Variants in TEX9 observed in about 807,000 individuals in gnomAD.
TEX9 encodes testis-expressed protein 9.
Under a neutral mutation model 59.6 loss-of-function variants are expected in TEX9, and 74 were observed. The observed-to-expected ratio is 1.24, with a 90% confidence interval of 1.03 to 1.51. The LOEUF (loss-of-function observed/expected upper bound fraction) is 1.51, where lower values mean the gene tolerates loss of function less well. Ranked by LOEUF, TEX9 falls within the 40% of genes most tolerant of loss-of-function variation. TEX9 has a pLI of 0.00. For synonymous variants in TEX9, 186 were observed against 152.2 expected (o/e 1.22, Z -1.64); for missense variants, 522 against 447.8 (o/e 1.17, Z -1.49).
At chr15:56,300,402 T>C (rs1314201341) in intron 1 of TEX9, among the ~76,000 whole-genome samples, 7 of 152,310 alleles carry the variant, frequency 4.6e-5, no homozygotes, top group African/African-American at 1.2e-4. Context: ...CTGGCTCTTA[T>C]ATGGCATTTC....
At chr15:56,365,404 C>G (rs968468349), upstream of TEX9, 3 of 1,593,880 alleles carry the variant, frequency 1.9e-6, no homozygotes, top group Admixed American at 1.7e-5. Flanking sequence ...GAAACTCTCG[C>G]GGGAAGATGC....
the TEX9 span, chr15:56,456,631 T>G: frequency 1.5e-5 from 16 of 1,036,286 alleles, no homozygotes; most frequent in African/African-American, 2.3e-4. Context: ...CAACAATTGA[T>G]GATGTTTTAT....
intron 7 of TEX9, among the ~76,000 whole-genome samples, chr15:56,392,535 G>C (rs533757650): frequency 2.6e-5 from 4 of 151,944 alleles, no homozygotes; most frequent in African/African-American, 9.7e-5. Context: ...CCAACACTGG[G>C]GATTACAATT....
chr15:56,336,581 A>G (rs1195002304), intron 1 of TEX9, among the ~76,000 whole-genome samples: 4 of 152,160 alleles, frequency 2.6e-5, no homozygotes, highest in African/African-American at 9.7e-5. Flanking sequence ...CACCCAGTGT[A>G]TGGTACTTTG....
intron 1 of TEX9, among the ~76,000 whole-genome samples, chr15:56,275,074 G>A (rs1482432891): frequency 4.6e-5 from 7 of 152,170 alleles, no homozygotes; most frequent in Admixed American, 4.6e-4. Context: ...TCATTCTTCA[G>A]TAGATCCTAT....
chr15:56,400,235 GA>G (rs2048700958), intron 9 of TEX9, among the ~76,000 whole-genome samples: 1 of 152,056 alleles, frequency 6.6e-6, no homozygotes, highest in African/African-American at 2.4e-5. Flanking sequence ...TAAAAACCTT[GA>G]AAAAAGGTTA....
intron 1 of TEX9, among the ~76,000 whole-genome samples, chr15:56,259,112 C>T (rs2044209363): frequency 6.6e-6 from 1 of 151,924 alleles, no homozygotes; most frequent in Non-Finnish European, 1.5e-5. Context: ...GAAATCACTG[C>T]CTACCCAATG....
At chr15:56,354,100 A>G (rs1302952260) in intron 1 of TEX9, among the ~76,000 whole-genome samples, 2 of 152,228 alleles carry the variant, frequency 1.3e-5, no homozygotes, top group African/African-American at 4.8e-5. Context: ...ACATGTTAGT[A>G]GAATCCTTCC....
chr15:56,339,067 CA>C (rs1453198261), intron 1 of TEX9, among the ~76,000 whole-genome samples: 3 of 151,826 alleles, frequency 2.0e-5, no homozygotes, highest in Non-Finnish European at 2.9e-5. Context: ...CTGGTATTTT[CA>C]AACTATGTTA....
chr15:56,369,281 C>T (rs994583195), intron 2 of TEX9, among the ~76,000 whole-genome samples: 4 of 151,960 alleles, frequency 2.6e-5, no homozygotes, highest in Non-Finnish European at 5.9e-5. Context: ...GCTTCCACCT[C>T]CTGGGCTCAA....
chr15:56,332,441 G>A (rs1302080671), intron 1 of TEX9, among the ~76,000 whole-genome samples: 5 of 147,116 alleles, frequency 3.4e-5, no homozygotes, highest in Non-Finnish European at 7.5e-5. Flanking sequence ...GACACAGGAA[G>A]GGGAATATCA....
At chr15:56,270,053 G>A (rs1233127415) in intron 1 of TEX9, among the ~76,000 whole-genome samples, 4 of 152,170 alleles carry the variant, frequency 2.6e-5, no homozygotes, top group Non-Finnish European at 2.9e-5. Flanking sequence ...GCTGAGGAGT[G>A]CTTTACTTCC....
intron 1 of TEX9, among the ~76,000 whole-genome samples, chr15:56,350,663 A>G (rs79017640): frequency 0.059 from 8,946 of 152,202 alleles, 679 homozygotes; most frequent in East Asian, 0.38. Context: ...TCTGCTGGGG[A>G]ATACAGCAAT....
At chr15:56,281,558 A>C (rs1438891576) in intron 1 of TEX9, among the ~76,000 whole-genome samples, 2 of 151,672 alleles carry the variant, frequency 1.3e-5, no homozygotes, top group African/African-American at 2.4e-5. Flanking sequence ...CCCCCGCCCC[A>C]CTCTTAAGTC....
intron 1 of TEX9, among the ~76,000 whole-genome samples, chr15:56,305,706 G>A (rs1219682389): frequency 6.6e-6 from 1 of 152,130 alleles, no homozygotes; most frequent in Non-Finnish European, 1.5e-5. Flanking sequence ...CAGGACATTG[G>A]ACTGGGCAAT....
rs1448864845 is a variant in TEX9, at chr15:56,345,056, T to TATATAC, written c.-106-28384_-106-28383insTATACA. 1.7e-3 allele frequency among the ~76,000 whole-genome samples: 228 copies of TATATAC among 134,296 alleles called. 3 individuals are homozygous for TATATAC. The highest frequency in any genetic ancestry group is 6.6e-3 in the Admixed American group (82 of 12,406). 88.1% of individuals were successfully genotyped at this position (134,296 alleles called of 152,430 possible). A position where few individuals can be genotyped will look rare whatever the true frequency, so the allele number is the denominator to read the frequency against. On this transcript the variant is annotated intron_variant, in intron 1 of 5. Coordinates refer to the TEX9 transcript ENST00000560827. ...CTATCTGGATATATATATATATATA[T>TATATAC]ACACACACACATATATATATGTATA...
At chr15:56,455,247 GAAAAA>G in the TEX9 span, among the ~76,000 whole-genome samples, 16 of 82,910 alleles carry the variant, frequency 1.9e-4, no homozygotes, top group South Asian at 8.6e-4. Context: ...ATCGTCAGGT[GAAAAA>G]AAAAAAAAAA....
intron 1 of TEX9, among the ~76,000 whole-genome samples, chr15:56,320,485 GGAAA>G (rs771462314): frequency 7.7e-6 from 1 of 129,382 alleles, no homozygotes; most frequent in Non-Finnish European, 1.9e-5. Context: ...GGGGATAGAG[GGAAA>G]GAGAGAGATA....
chr15:56,438,423 G>GA (rs1321278337), intron 12 of TEX9, among the ~76,000 whole-genome samples: 4 of 152,066 alleles, frequency 2.6e-5, no homozygotes, highest in African/African-American at 7.2e-5. Flanking sequence ...AATGGTGCTG[G>GA]AAAAACTGGC....
Sources: allele counts gnomAD v4.1 joint callset (sites outside exome capture counted in the v4.1 genomes callset), GRCh38; gene constraint gnomAD v4.1.1; transcripts MANE v1.5; gene names NCBI Gene and HGNC (gene_info 2026-07-23, HGNC 2026-07-21).